Variants in CSNK1G1 observed in about 807,000 individuals in gnomAD.
The protein encoded by CSNK1G1 is casein kinase 1 gamma 1.
A neutral mutation model predicts 59.6 loss-of-function variants in CSNK1G1; 22 were observed. That is an observed-to-expected ratio of 0.37 (90% CI 0.26 to 0.53). The LOEUF (loss-of-function observed/expected upper bound fraction) is 0.53. Ranked by LOEUF, CSNK1G1 falls within the 20% of genes least tolerant of loss-of-function variation. The probability of loss-of-function intolerance (pLI) is 0.89; values close to 1 mark genes in which losing one functional copy is unlikely to be tolerated. For missense variants in CSNK1G1, 384 were observed against 519.5 expected (o/e 0.74, Z 2.54); for synonymous variants, 179 against 177.1 (o/e 1.01, Z -0.08).
chr15:64,331,581 A>G (rs1897113707), intron 1 of CSNK1G1, among the ~76,000 whole-genome samples: 1 of 123,390 alleles, frequency 8.1e-6, no homozygotes, highest in Non-Finnish European at 1.7e-5. Context: ...ACCCTAGAAG[A>G]AAACCTAGGC....
rs534392155 is a variant in CSNK1G1 at position 64,177,857 on chromosome 15, A to T, written c.1214+2491T>A. 4.6e-5 allele frequency among the ~76,000 whole-genome samples: 7 copies of T among 152,368 alleles called. No homozygotes were observed. The East Asian group carries it at 1.3e-3, about 29-fold the overall frequency. ...TAAAGCCCATTTGATTACTGCATTC[A>T]AAGTATACTATTAAATCCAAAGCTA... On this transcript the variant is annotated intron_variant, in intron 11 of 11. Coordinates refer to ENST00000303052, the MANE Select transcript of CSNK1G1 (RefSeq NM_022048.5).
Position 64,176,320 on chromosome 15 carries a change from AAGAG to A in CSNK1G1, c.1214+4024_1214+4027del. 2.5e-6 allele frequency: 1 copy of A among 398,784 alleles called. No homozygotes were observed. The highest frequency in any genetic ancestry group is 4.4e-6 in the Non-Finnish European group (1 of 226,144). The allele number at this position is 398,784 out of a possible 1,614,324, so 24.7% of individuals were successfully genotyped here. On this transcript the variant is annotated intron_variant, in intron 11 of 11. Transcript: ENST00000303052. This position sits in a 1 kb window ranked among gnomAD's most constrained non-coding sequence, Gnocchi z 5.2. Reference sequence around the variant, plus strand: ...ATATAAAGAGAAAAACACAGAAAGGAAGAGAGAGAAAGAGAGAGATATTAGTCCA... The same window carrying A: ...ATATAAAGAGAAAAACACAGAAAGGAAGAGAAAGAGAGAGATATTAGTCCA...
At chr15:64,219,774 TTTC>T (rs1399688224) in intron 4 of CSNK1G1, among the ~76,000 whole-genome samples, 1 of 143,778 alleles carries the variant, frequency 7.0e-6, no homozygotes, top group Non-Finnish European at 1.5e-5. Flanking sequence ...TTTCTTTTCT[TTTC>T]TTTTTTTTTT....
chr15:64,216,732 T>G lies in CSNK1G1; in HGVS notation c.293-19A>C, dbSNP rs772423280. Reference sequence around the variant, plus strand: ...CCTTCACCTGAAAGCAGAGGGGAAATGGGGGTATACAGTGGGAGACACAAA... The same window carrying G: ...CCTTCACCTGAAAGCAGAGGGGAAAGGGGGGTATACAGTGGGAGACACAAA... On this transcript the variant is annotated intron_variant, in intron 4 of 11. Transcript: ENST00000303052. This position sits in a 1 kb window ranked among gnomAD's most constrained non-coding sequence, Gnocchi z 4.6. 6.2e-7 allele frequency: 1 copy of G among 1,612,946 alleles called. No individual in the cohort carries two copies. The highest frequency in any genetic ancestry group is 8.5e-7 in the Non-Finnish European group (1 of 1,179,164).
rs2081926865 is a variant in CSNK1G1, at chr15:64,188,467, G to A, written c.1108-8013C>T. 7.8e-6 allele frequency: 12 copies of A among 1,536,078 alleles called. No homozygotes were observed. Among genetic ancestry groups the A allele is most frequent in the East Asian group, 2.4e-5 (1 of 40,928 alleles). ...CTGGGCTGAATTTCCCACTCTCCTC[G>A]GCGCTCTGATGATACATTCTGCTTA... On this transcript the variant is annotated intron_variant, in intron 10 of 11. Transcript: ENST00000303052. This position sits in a 1 kb window ranked among gnomAD's most constrained non-coding sequence, Gnocchi z 4.2.
rs2081657169 is a variant in CSNK1G1, at chr15:64,170,974, C to T, written c.*957G>A. ...GTTTTCTTGCCAACCTGAGTGTTCA[C>T]TCAGAATGACACCGAGTTTGGCTTC... On this transcript the variant is annotated 3_prime_UTR_variant, in exon 12 of 12. Coordinates refer to ENST00000303052, the MANE Select transcript of CSNK1G1 (RefSeq NM_022048.5). The T allele has an allele frequency of 6.6e-6, 1 of 152,546 alleles. No individual in the cohort carries two copies. The highest frequency in any genetic ancestry group is 1.5e-5 in the Non-Finnish European group (1 of 68,022). 9.4% of individuals were successfully genotyped at this position (152,546 alleles called of 1,614,324 possible).
chr15:64,290,631 T>C lies in CSNK1G1; in HGVS notation c.181+9688A>G, dbSNP rs535512145. ...AATTATTTAATGGATACAATGCATATTATTCAGGTGATAGTTACACAAAAA... is the reference window on the plus strand; with the variant it reads ...AATTATTTAATGGATACAATGCATACTATTCAGGTGATAGTTACACAAAAA... On this transcript the variant is annotated intron_variant, in intron 2 of 11. Coordinates refer to ENST00000303052, the MANE Select transcript of CSNK1G1 (RefSeq NM_022048.5). 5.9e-5 allele frequency among the ~76,000 whole-genome samples: 9 copies of C among 152,298 alleles called. 1 individual carries two copies. The highest frequency in any genetic ancestry group is 1.9e-4 in the African/African-American group (8 of 41,568).
intron 4 of CSNK1G1, among the ~76,000 whole-genome samples, chr15:64,234,258 G>A (rs950021990): frequency 6.6e-6 from 1 of 151,990 alleles, no homozygotes; most frequent in Non-Finnish European, 1.5e-5. Context: ...TTTTTAACAT[G>A]AGGCTGTTAA....
intron 1 of CSNK1G1, among the ~76,000 whole-genome samples, chr15:64,303,916 CAAAAAA>C (rs66651513): frequency 4.2e-5 from 4 of 95,202 alleles, no homozygotes; most frequent in Non-Finnish European, 8.5e-5. Flanking sequence ...AGGCCCTGTC[CAAAAAA>C]AAAAAAAAAA....
intron 1 of CSNK1G1, among the ~76,000 whole-genome samples, chr15:64,316,451 A>G (rs1896267576): frequency 1.3e-5 from 2 of 150,912 alleles, no homozygotes; most frequent in South Asian, 4.2e-4. Flanking sequence ...CAGGAGAATC[A>G]ATGGAACTCA....
At chr15:64,182,597 A>G (rs1306397502) in intron 10 of CSNK1G1, among the ~76,000 whole-genome samples, 1 of 152,200 alleles carries the variant, frequency 6.6e-6, no homozygotes, top group African/African-American at 2.4e-5. Context: ...AGATATTATG[A>G]AATTAACTTT....
At chr15:64,276,265 A>T (rs1893611369) in intron 2 of CSNK1G1, among the ~76,000 whole-genome samples, 1 of 152,184 alleles carries the variant, frequency 6.6e-6, no homozygotes, top group Non-Finnish European at 1.5e-5. Context: ...GGGCAGAAAA[A>T]CTGGAGTGAA....
chr15:64,270,037 C>T (rs1246770770), intron 2 of CSNK1G1, among the ~76,000 whole-genome samples: 1 of 151,830 alleles, frequency 6.6e-6, no homozygotes, highest in Non-Finnish European at 1.5e-5. Context: ...GAACTCCTGA[C>T]CCTCAAGTGA....
chr15:64,259,330 G>A, intron 2 of CSNK1G1, 89 bp from the exon 3 acceptor site: 1 of 857,238 alleles, frequency 1.2e-6, no homozygotes, highest in East Asian at 2.7e-5. Context: ...CATGAGAAAG[G>A]TTATATTCCC....
intron 2 of CSNK1G1, among the ~76,000 whole-genome samples, chr15:64,265,108 A>G (rs866184013): frequency 3.9e-5 from 6 of 152,238 alleles, no homozygotes. Context: ...TCATATATAT[A>G]GAAAATCCCA....
chr15:64,217,104 T>C (rs1364351115), intron 4 of CSNK1G1, among the ~76,000 whole-genome samples: 1 of 152,236 alleles, frequency 6.6e-6, no homozygotes, highest in Non-Finnish European at 1.5e-5. Context: ...TGTTACATTA[T>C]CTGGTTCATG....
At chr15:64,325,514 C>CA (rs917066714) in intron 1 of CSNK1G1, among the ~76,000 whole-genome samples, 26 of 152,016 alleles carry the variant, frequency 1.7e-4, no homozygotes, top group African/African-American at 5.8e-4. Flanking sequence ...CCCAGAATCA[C>CA]AAAAAATTAT....
intron 10 of CSNK1G1, among the ~76,000 whole-genome samples, chr15:64,198,410 T>G (rs1383215684): frequency 6.6e-6 from 1 of 151,874 alleles, no homozygotes; most frequent in Non-Finnish European, 1.5e-5. Flanking sequence ...TTCACCATGT[T>G]GGCCAGGCTG....
chr15:64,263,027 G>A (rs569628666), intron 2 of CSNK1G1, among the ~76,000 whole-genome samples: 10 of 147,100 alleles, frequency 6.8e-5, no homozygotes, highest in Admixed American at 3.4e-4. Flanking sequence ...TGCAGTGAGC[G>A]GAGATCACAC....
Sources: gnomAD v4.1 joint callset for allele counts (sites outside exome capture counted in the v4.1 genomes callset) on GRCh38, gnomAD v4.1.1 for gene constraint, Gnocchi (gnomAD v3.1) non-coding constraint, MANE v1.5 for transcripts, NCBI Gene and HGNC (gene_info 2026-07-23, HGNC 2026-07-21) for gene names.